AGO2: variants seen among roughly 807,000 people sequenced by gnomAD.
AGO2 encodes protein argonaute-2.
In AGO2, 5 loss-of-function variants were observed where a neutral mutation model predicts 102.3. The observed-to-expected ratio is 0.05, with a 90% CI of 0.03 to 0.10. The LOEUF (loss-of-function observed/expected upper bound fraction) is 0.10. AGO2 is among the 10% of genes least tolerant of loss of function. AGO2 has a pLI of 1.00. For synonymous variants in AGO2, 449 were observed against 473.1 expected (o/e 0.95, Z 0.66); for missense variants, 541 against 1,183.7 (o/e 0.46, Z 7.97).
intron 1 of AGO2, among the ~76,000 whole-genome samples, chr8:140,631,138 C>A (rs146171042): frequency 5.5e-4 from 84 of 151,956 alleles, no homozygotes; most frequent in African/African-American, 2.0e-3. Flanking sequence ...CCCCCCTCAA[C>A]AAAACGGAGC....
chr8:140,542,154 C>T (rs2072810884), intron 14 of AGO2, among the ~76,000 whole-genome samples: 1 of 152,104 alleles, frequency 6.6e-6, no homozygotes, highest in East Asian at 1.9e-4. Flanking sequence ...CTGTCGGGGG[C>T]CAAGGGAGCG....
At chr8:140,558,770 C>T (rs760354320) in intron 6 of AGO2, among the ~76,000 whole-genome samples, 198 bp from the exon 7 acceptor site, 2 of 152,202 alleles carry the variant, frequency 1.3e-5, no homozygotes. Context: ...AAGAGTACCA[C>T]GTGGTGGAGG....
chr8:140,626,913 C>T (rs1437605357), intron 1 of AGO2: 1 of 152,302 alleles, frequency 6.6e-6, no homozygotes, highest in Non-Finnish European at 1.5e-5. Flanking sequence ...CGCCATCCCT[C>T]AGGGCCTCCC....
At position 140,567,873 on chromosome 8, in the gene AGO2, C is replaced by T. The variant is rs1215946779; in HGVS notation, c.336+4939G>A. Among the ~76,000 whole-genome samples the T allele has an allele frequency of 2.0e-5, 3 of 152,116 alleles. No individual in the cohort carries two copies. The highest frequency in any genetic ancestry group is 1.3e-4 in the Admixed American group (2 of 15,276). ...CAGCCTGGGGCTCACGCCTGTAATCCCAGTACCGTGGGAGGCCGAGGCGGG... is the reference window on the plus strand; with the variant it reads ...CAGCCTGGGGCTCACGCCTGTAATCTCAGTACCGTGGGAGGCCGAGGCGGG... On this transcript the variant is annotated intron_variant, in intron 3 of 18. Coordinates refer to ENST00000220592, the MANE Select transcript of AGO2 (RefSeq NM_012154.5). This position sits in a 1 kb window ranked among gnomAD's most constrained non-coding sequence, Gnocchi z 5.0.
At chr8:140,620,694 C>T (rs1186523160) in intron 1 of AGO2, among the ~76,000 whole-genome samples, 1 of 152,006 alleles carries the variant, frequency 6.6e-6, no homozygotes, top group Non-Finnish European at 1.5e-5. Context: ...TGGAGAGACC[C>T]TGTCTCTACA....
chr8:140,611,960 C>T (rs866513446), intron 1 of AGO2, among the ~76,000 whole-genome samples: 6 of 152,270 alleles, frequency 3.9e-5, no homozygotes, highest in Middle Eastern at 3.4e-3. Flanking sequence ...CGCGGTGGCT[C>T]ACGCCTGTAA....
chr8:140,550,535 C>A (rs2944765), intron 11 of AGO2, among the ~76,000 whole-genome samples: 96,279 of 152,026 alleles, frequency 0.63, 32,160 homozygotes, highest in African/African-American at 0.86. Flanking sequence ...CCTGAACCAA[C>A]ACTTCTCTCC....
intron 1 of AGO2, among the ~76,000 whole-genome samples, chr8:140,619,594 C>A (rs902255816): frequency 3.3e-5 from 5 of 152,164 alleles, no homozygotes; most frequent in Non-Finnish European, 7.3e-5. Context: ...GAGGGACCTA[C>A]CCCCAGGCAA....
At chr8:140,595,744 T>G (rs1445006474) in intron 1 of AGO2, among the ~76,000 whole-genome samples, 6 of 50,988 alleles carry the variant, frequency 1.2e-4, no homozygotes, top group Non-Finnish European at 3.3e-4. Context: ...TGTTATATAT[T>G]ATATATAATT....
At chr8:140,594,534 T>A (rs1467775811) in intron 1 of AGO2, among the ~76,000 whole-genome samples, 1 of 152,000 alleles carries the variant, frequency 6.6e-6, no homozygotes, top group African/African-American at 2.4e-5. Flanking sequence ...ACACCTGTAA[T>A]CTCAGCACTT....
rs1291168296 is a variant in AGO2, at chr8:140,529,097, T to G, written c.*2947A>C. On this transcript the variant is annotated 3_prime_UTR_variant, in exon 19 of 19. Transcript: ENST00000220592. ...AGACTTCTACACATAATTTTCACAT[T>G]CAGTTTGCTTAAAGCAAGGCACACC... 4.6e-5 allele frequency: 7 copies of G among 152,216 alleles called. No homozygotes were observed. Among genetic ancestry groups the G allele is most frequent in the Non-Finnish European group, 1.0e-4 (7 of 68,044 alleles). The allele number at this position is 152,216 out of a possible 1,614,324, so 9.4% of individuals were successfully genotyped here.
rs2072486087 is a variant in AGO2 at position 140,525,410 on chromosome 8, C to G, written c.*6634G>C. ...GGACCCAAGCAGCCTGTACCCTGGG[C>G]CGGCAGGCAGTGGGACACCCACGGG... is the stretch of plus-strand genomic sequence containing the variant. On this transcript the variant is annotated 3_prime_UTR_variant, in exon 19 of 19. Transcript: ENST00000220592. 1 of 152,308 alleles carries G rather than the reference C, an allele frequency of 6.6e-6. No homozygotes were observed. Among genetic ancestry groups the G allele is most frequent in the Non-Finnish European group, 1.5e-5 (1 of 68,134 alleles). The allele number at this position is 152,308 out of a possible 1,614,324, so 9.4% of individuals were successfully genotyped here.
chr8:140,576,099 G>A (rs1192871475), intron 2 of AGO2, among the ~76,000 whole-genome samples: 1 of 152,174 alleles, frequency 6.6e-6, no homozygotes, highest in Non-Finnish European at 1.5e-5. Flanking sequence ...GATCACTTGG[G>A]ATCAGGAGTT....
At chr8:140,558,960 A>G (rs1342717254) in intron 6 of AGO2, among the ~76,000 whole-genome samples, 1 of 152,148 alleles carries the variant, frequency 6.6e-6, no homozygotes, top group Non-Finnish European at 1.5e-5. Context: ...TGATGGGCAG[A>G]AGGACCCCGG....
chr8:140,624,400 C>T (rs182416024), intron 1 of AGO2, among the ~76,000 whole-genome samples: 12 of 152,384 alleles, frequency 7.9e-5, no homozygotes, highest in Admixed American at 3.9e-4. Context: ...CCACCTCACC[C>T]TGGACAGGGA....
In AGO2 at chr8:140,526,332, C is replaced by T. The variant is rs892206249; in HGVS notation, c.*5712G>A. The stretch of plus-strand genomic sequence containing the variant: ...CTGTTTCAAGATTTTGCCACACCTG[C>T]GCAGGCTCCTGCCAGCCTGAAGGAT... On this transcript the variant is annotated 3_prime_UTR_variant, in exon 19 of 19. Transcript: ENST00000220592. The surrounding 1 kb of genome is among the most constrained non-coding windows in gnomAD (Gnocchi z 5.2). 3.2e-4 allele frequency: 48 copies of T among 152,322 alleles called. No homozygotes were observed. The highest frequency in any genetic ancestry group is 1.1e-3 in the African/African-American group (46 of 41,564). The allele number at this position is 152,322 out of a possible 1,614,324, so 9.4% of individuals were successfully genotyped here. A position where few individuals can be genotyped will look rare whatever the true frequency, so the allele number is the denominator to read the frequency against.
At chr8:140,552,744 AC>A (rs2073023827) in intron 10 of AGO2, among the ~76,000 whole-genome samples, 1 of 27,110 alleles carries the variant, frequency 3.7e-5, no homozygotes, top group African/African-American at 3.0e-4. Flanking sequence ...GCGCGCGCAC[AC>A]ACACACACAC....
intron 1 of AGO2, among the ~76,000 whole-genome samples, chr8:140,603,001 T>A (rs1314851888): frequency 1.3e-5 from 2 of 152,232 alleles, no homozygotes; most frequent in African/African-American, 4.8e-5. Flanking sequence ...CCGTGCCACG[T>A]GCAGTGTTCT....
At chr8:140,542,355 CA>C (rs1341370642) in intron 14 of AGO2, among the ~76,000 whole-genome samples, 2 of 152,208 alleles carry the variant, frequency 1.3e-5, no homozygotes, top group African/African-American at 4.8e-5. Context: ...CCTTACAGAA[CA>C]AGTTCTTTCC....
Sources: allele counts gnomAD v4.1 joint callset (sites outside exome capture counted in the v4.1 genomes callset), GRCh38; gene constraint gnomAD v4.1.1; non-coding constraint Gnocchi (gnomAD v3.1); transcripts MANE v1.5; gene names NCBI Gene and HGNC (gene_info 2026-07-23, HGNC 2026-07-21).